PRKAA2: variants seen among roughly 807,000 people sequenced by gnomAD.
The protein encoded by PRKAA2 is protein kinase AMP-activated catalytic subunit alpha 2, also known as 5'-AMP-activated protein kinase catalytic subunit alpha-2.
PRKAA2 carries 40 observed loss-of-function variants against 56.3 expected under a neutral mutation model. The ratio of observed to expected loss-of-function variants is 0.71; its 90% CI spans 0.55 to 0.92. PRKAA2 has a LOEUF of 0.92. Among genes scored for constraint, PRKAA2 ranks in the 40% least tolerant of loss-of-function variants. The pLI is 0.00. For synonymous variants in PRKAA2, 214 were observed against 234.2 expected, an observed-to-expected ratio of 0.91 and a Z score of 0.79; for missense variants, 542 against 686.9, an observed-to-expected ratio of 0.79 and a Z score of 2.36.
chr1:56,693,251 C>T (rs1644240171), intron 4 of PRKAA2, among the ~76,000 whole-genome samples: 1 of 152,050 alleles, frequency 6.6e-6, no homozygotes. Context: ...TACTATAGCT[C>T]AGCTAGATTT....
chr1:56,652,007 A>G (rs1172207499), intron 1 of PRKAA2, among the ~76,000 whole-genome samples: 1 of 123,218 alleles, frequency 8.1e-6, no homozygotes, highest in African/African-American at 3.3e-5. Flanking sequence ...ACGCCTGGCT[A>G]ATTTTTTTTT....
intron 2 of PRKAA2, among the ~76,000 whole-genome samples, chr1:56,683,148 G>A (rs902549222): frequency 7.1e-6 from 1 of 140,606 alleles, no homozygotes; most frequent in African/African-American, 2.6e-5. Context: ...CAAGTAGGTA[G>A]TGATAGTGGT....
At chr1:56,665,704 T>C (rs1396137643) in intron 1 of PRKAA2, among the ~76,000 whole-genome samples, 1 of 152,204 alleles carries the variant, frequency 6.6e-6, no homozygotes, top group Non-Finnish European at 1.5e-5. Context: ...ATACATGGCA[T>C]TGTCTGTCTT....
At chr1:56,667,415 T>C (rs1569733268) in intron 1 of PRKAA2, among the ~76,000 whole-genome samples, 1 of 152,184 alleles carries the variant, frequency 6.6e-6, no homozygotes, top group South Asian at 2.1e-4. Flanking sequence ...GTGTCACTTC[T>C]CCCAAACCCA....
At chr1:56,678,869 T>C (rs974483425) in intron 2 of PRKAA2, among the ~76,000 whole-genome samples, 2 of 152,172 alleles carry the variant, frequency 1.3e-5, no homozygotes, top group African/African-American at 4.8e-5. Context: ...CTAATTTTTG[T>C]ATTTTTAGTA....
At position 56,710,374 on chromosome 1, in the gene PRKAA2, G is replaced by A. The variant is rs1047197463; in HGVS notation, c.*2661G>A. 6.6e-6 allele frequency: 1 copy of A among 152,080 alleles called. No homozygotes were observed. The highest frequency in any genetic ancestry group is 2.1e-4 in the South Asian group (1 of 4,826). 9.4% of individuals were successfully genotyped at this position (152,080 alleles called of 1,614,324 possible). A position where few individuals can be genotyped will look rare whatever the true frequency, so the allele number is the denominator to read the frequency against. On this transcript the variant is annotated 3_prime_UTR_variant, in exon 9 of 9. Transcript: ENST00000371244. ...CTTCCCCTCGAAGATGACAGTGGATGTCAGCATTAAAGACTTTGACAGGTC... is the reference window on the plus strand; with the variant it reads ...CTTCCCCTCGAAGATGACAGTGGATATCAGCATTAAAGACTTTGACAGGTC...
intron 1 of PRKAA2, among the ~76,000 whole-genome samples, chr1:56,662,310 G>T (rs1433477111): frequency 3.3e-5 from 5 of 151,760 alleles, no homozygotes; most frequent in African/African-American, 4.8e-5. Context: ...TTATATTTGG[G>T]ACTATATATC....
chr1:56,705,195 A>C (rs567547141), intron 7 of PRKAA2, among the ~76,000 whole-genome samples: 1 of 152,326 alleles, frequency 6.6e-6, no homozygotes, highest in East Asian at 1.9e-4. Context: ...TGTTCAAATA[A>C]ATCAGTCATT....
At chr1:56,662,789 T>C (rs1186358062) in intron 1 of PRKAA2, among the ~76,000 whole-genome samples, 1 of 151,824 alleles carries the variant, frequency 6.6e-6, no homozygotes, top group East Asian at 1.9e-4. Flanking sequence ...GGAAACAAAG[T>C]CAGAAGGAGC....
intron 7 of PRKAA2, among the ~76,000 whole-genome samples, chr1:56,705,495 A>G (rs1392130710): frequency 1.3e-5 from 2 of 151,918 alleles, no homozygotes; most frequent in Admixed American, 6.5e-5. Context: ...ACCCAGGGTC[A>G]GGCTATCCTC....
intron 2 of PRKAA2, among the ~76,000 whole-genome samples, chr1:56,689,601 C>T (rs1368126793): frequency 6.6e-6 from 1 of 152,010 alleles, no homozygotes; most frequent in Non-Finnish European, 1.5e-5. Context: ...TGCCTGTAGT[C>T]CCAGCTACTC....
intron 1 of PRKAA2, among the ~76,000 whole-genome samples, chr1:56,666,627 G>A (rs1452622338): frequency 1.3e-5 from 2 of 152,174 alleles, no homozygotes; most frequent in African/African-American, 4.8e-5. Context: ...AACTGGGCAT[G>A]TGTTGGCTCT....
At chr1:56,666,794 C>A (rs1169000460) in intron 1 of PRKAA2, among the ~76,000 whole-genome samples, 1 of 152,144 alleles carries the variant, frequency 6.6e-6, no homozygotes, top group Non-Finnish European at 1.5e-5. Context: ...ATACCTATAG[C>A]ACTATATGAA....
chr1:56,696,687 A>G (rs1644261024), intron 6 of PRKAA2, among the ~76,000 whole-genome samples: 1 of 152,214 alleles, frequency 6.6e-6, no homozygotes, highest in Admixed American at 6.5e-5. Flanking sequence ...TGTATTTTAC[A>G]TATGGTTAAA....
chr1:56,695,256 C>G (rs947224750), intron 5 of PRKAA2, among the ~76,000 whole-genome samples: 4 of 150,992 alleles, frequency 2.6e-5, no homozygotes, highest in Non-Finnish European at 5.9e-5. Context: ...AGTGCAGTGG[C>G]ACAATCTCAG....
Position 56,669,929 on chromosome 1 carries a change from C to A in PRKAA2, c.95-4452C>A, listed in dbSNP as rs189091473. Among the ~76,000 whole-genome samples the A allele has an allele frequency of 1.0e-3, 152 of 152,274 alleles. 2 individuals are homozygous for A. The highest frequency in any genetic ancestry group is 9.7e-3 in the Admixed American group (148 of 15,282). On this transcript the variant is annotated intron_variant, in intron 1 of 8. Transcript: ENST00000371244. ...AATCAGTTTAATTCCTTCTGTGTGA[C>A]AATTCTTCACCTTATCAAACGTAAA...
chr1:56,702,896 C>A (rs1257745144), intron 6 of PRKAA2, among the ~76,000 whole-genome samples: 1 of 152,158 alleles, frequency 6.6e-6, no homozygotes. Flanking sequence ...AATCTCTGTG[C>A]AGCTAAAATA....
chr1:56,698,545 A>G (rs926479274), intron 6 of PRKAA2, among the ~76,000 whole-genome samples: 1 of 152,210 alleles, frequency 6.6e-6, no homozygotes, highest in Non-Finnish European at 1.5e-5. Context: ...TACACAACTA[A>G]TAAGGAGCAC....
chr1:56,675,115 T>G (rs1383809578), intron 2 of PRKAA2, among the ~76,000 whole-genome samples: 1 of 152,122 alleles, frequency 6.6e-6, no homozygotes, highest in Non-Finnish European at 1.5e-5. Context: ...AATTGAAAGA[T>G]AAATAGATTA....
Sources: gnomAD v4.1 joint callset for allele counts (sites outside exome capture counted in the v4.1 genomes callset) on GRCh38, gnomAD v4.1.1 for gene constraint, MANE v1.5 for transcripts, NCBI Gene and HGNC (gene_info 2026-07-23, HGNC 2026-07-21) for gene names.